The following UNG variants were observed in gnomAD, a reference collection of about 807,000 sequenced individuals.
The protein encoded by UNG is uracil DNA glycosylase, also known as uracil-DNA glycosylase.
In UNG, 34 loss-of-function variants were observed where a neutral mutation model predicts 36.5. The observed-to-expected ratio is 0.93, with a 90% CI of 0.71 to 1.24. The LOEUF is 1.24. Ranked by LOEUF, UNG falls within the 50% of genes most tolerant of loss-of-function variation. The pLI, the probability that UNG is intolerant of heterozygous loss-of-function variation, is 0.00. For synonymous variants in UNG, 172 were observed against 157.8 expected, an observed-to-expected ratio of 1.09 and a Z score of -0.67; for missense variants, 391 against 397.6, an observed-to-expected ratio of 0.98 and a Z score of 0.14.
At position 109,097,607 on chromosome 12, in the gene UNG, C is replaced by G. The variant is rs886048904; in HGVS notation, c.-73C>G. The G allele has an allele frequency of 1.3e-6, 2 of 1,563,098 alleles. No individual in the cohort carries two copies. Among genetic ancestry groups the G allele is most frequent in the South Asian group, 1.2e-5 (1 of 85,330 alleles). On this transcript the variant is annotated 5_prime_UTR_variant, in exon 1 of 7. Transcript: ENST00000242576. ...GGGCCGCTTGGCGCCAATTGCTGAC[C>G]GCCACAGCCACAGCCAGGGCTAGCC...
At chr12:109,106,589 C>T (rs766006660) in intron 6 of UNG, among the ~76,000 whole-genome samples, 4 of 151,666 alleles carry the variant, frequency 2.6e-5, no homozygotes, top group Admixed American at 6.6e-5. Context: ...GTATATATGA[C>T]GATGGTCCCA....
intron 6 of UNG, among the ~76,000 whole-genome samples, chr12:109,106,882 T>G (rs374308709): frequency 8.6e-6 from 1 of 115,636 alleles, no homozygotes; most frequent in African/African-American, 3.5e-5. Context: ...AAAACATATA[T>G]ATATATACAC....
In UNG at chr12:109,102,952, T is replaced by TTA. The variant is rs2042189555; in HGVS notation, c.622+26_622+27insAT. 8 of 1,455,988 alleles carry TTA rather than the reference T, an allele frequency of 5.5e-6. No individual in the cohort carries two copies. In the South Asian group the frequency reaches 9.3e-5, roughly 17 times the overall value. The allele number at this position is 1,455,988 out of a possible 1,614,324, so 90.2% of individuals were successfully genotyped here. A position where few individuals can be genotyped will look rare whatever the true frequency, so the allele number is the denominator to read the frequency against. ...GGTAAGCCAGCGACTGCTAGATTTT[T>TTA]TTTTTTTTTTTTTTTTTGAGACCGA... On this transcript the variant is annotated intron_variant, in intron 5 of 6. Transcript: ENST00000242576.
chr12:109,098,099 A>C, intron 1 of UNG: 2 of 1,353,486 alleles, frequency 1.5e-6, no homozygotes, highest in South Asian at 1.9e-5. Context: ...CGGGACCCAG[A>C]GGGAGGTTTT....
At chr12:109,106,527 T>TA (rs979101975) in intron 6 of UNG, among the ~76,000 whole-genome samples, 42 of 152,052 alleles carry the variant, frequency 2.8e-4, no homozygotes, top group African/African-American at 9.7e-4. Context: ...GTTGATATTT[T>TA]AAAAAAATCA....
chr12:109,105,396 C>A (rs1215114886), intron 6 of UNG, among the ~76,000 whole-genome samples: 1 of 152,152 alleles, frequency 6.6e-6, no homozygotes. Flanking sequence ...GGTTTACGGC[C>A]AGTGTTGCTC....
At chr12:109,107,666 C>T (rs2042228273) in intron 6 of UNG, among the ~76,000 whole-genome samples, 1 of 151,760 alleles carries the variant, frequency 6.6e-6, no homozygotes, top group Non-Finnish European at 1.5e-5. Context: ...GCTGGGATTA[C>T]AGGCATGTAC....
At chr12:109,098,766 T>A in intron 2 of UNG, 128 bp downstream of exon 2, 2 of 1,224,390 alleles carry the variant, frequency 1.6e-6, no homozygotes, top group Non-Finnish European at 1.2e-6. Context: ...CCTCCTTTAC[T>A]CACAAAGGGG....
chr12:109,104,712 G>C (rs1190212852), intron 6 of UNG, among the ~76,000 whole-genome samples: 3 of 152,128 alleles, frequency 2.0e-5, no homozygotes, highest in Non-Finnish European at 4.4e-5. Flanking sequence ...GGGTGGGAAG[G>C]AGACGAGCCA....
At chr12:109,106,724 C>A (rs887793799) in intron 6 of UNG, among the ~76,000 whole-genome samples, 2 of 149,954 alleles carry the variant, frequency 1.3e-5, no homozygotes, top group Admixed American at 6.7e-5. Flanking sequence ...CATAGTGAAA[C>A]CCTGTCTCTA....
chr12:109,099,347 G>A, intron 3 of UNG, 63 bp downstream of exon 3: 1 of 1,409,102 alleles, frequency 7.1e-7, no homozygotes, highest in Non-Finnish European at 1.0e-6. Flanking sequence ...TTTTAAATTA[G>A]GGACACTGGA....
intron 6 of UNG, 92 bp from the exon 7 acceptor site, chr12:109,109,737 C>T (rs933658904): frequency 8.0e-6 from 12 of 1,502,990 alleles, no homozygotes; most frequent in African/African-American, 4.4e-5. Flanking sequence ...GAGTCGAGAT[C>T]ACGCCACTGC....
chr12:109,099,381 G>C (rs1220635942), intron 3 of UNG, 97 bp downstream of exon 3: 1 of 1,053,906 alleles, frequency 9.5e-7, no homozygotes, highest in Non-Finnish European at 1.5e-6. Context: ...CCATCATTCA[G>C]TAGTAAATAA....
At chr12:109,097,844 G>A (rs1195133872) in intron 1 of UNG, 33 bp downstream of exon 1, 2 of 1,492,298 alleles carry the variant, frequency 1.3e-6, no homozygotes, top group Non-Finnish European at 1.8e-6. Context: ...GCTAGGGGGT[G>A]AAGGGGGAGG....
At chr12:109,101,643 G>A (rs1373336864) in intron 3 of UNG, among the ~76,000 whole-genome samples, 1 of 152,160 alleles carries the variant, frequency 6.6e-6, no homozygotes, top group East Asian at 1.9e-4. Context: ...CCAGGAGGGC[G>A]AGGCTGCCAT....
intron 3 of UNG, among the ~76,000 whole-genome samples, chr12:109,101,005 C>T (rs1261299353): frequency 6.6e-6 from 1 of 152,034 alleles, no homozygotes; most frequent in Admixed American, 6.6e-5. Context: ...CACCTACTCC[C>T]ATGGCCCTTT....
chr12:109,103,443 T>C lies in UNG; in HGVS notation c.633T>C (p.Leu211=), dbSNP rs200572869. ...CTCTCATGTGTATAGGTGTTCTCCT[T>C]CTCAACGCTGTCCTCACGGTTCGTG... ...LSGWAKQGVL[L]LNAVLTVRAH... Residue 211 remains leucine, a synonymous_variant, in exon 6 of 7, where the codon CTT becomes CTC. Coordinates refer to ENST00000242576, the MANE Select transcript of UNG (RefSeq NM_080911.3). 9.3e-6 allele frequency: 15 copies of C among 1,614,076 alleles called. No homozygotes were observed. In the Admixed American group the frequency reaches 2.3e-4, roughly 25 times the overall value.
At chr12:109,098,132 G>C in intron 1 of UNG, 1 of 1,386,118 alleles carries the variant, frequency 7.2e-7, no homozygotes, top group Non-Finnish European at 9.3e-7. Flanking sequence ...GACCACGTGG[G>C]GACGCGGTGG....
chr12:109,106,853 G>A (rs548277648), intron 6 of UNG, among the ~76,000 whole-genome samples: 4 of 78,782 alleles, frequency 5.1e-5, no homozygotes, highest in African/African-American at 1.6e-4. Context: ...GCAACAGAGT[G>A]AGACTCTATC....
Sources: gnomAD v4.1 joint callset for allele counts (sites outside exome capture counted in the v4.1 genomes callset) on GRCh38, gnomAD v4.1.1 for gene constraint, MANE v1.5 for transcripts, NCBI Gene and HGNC (gene_info 2026-07-23, HGNC 2026-07-21) for gene names.